FREM3: variants seen among roughly 807,000 people sequenced by gnomAD.
FREM3 encodes FRAS1 related extracellular matrix 3.
In FREM3, 105 loss-of-function variants were observed where a neutral mutation model predicts 129.1. That is an observed-to-expected ratio of 0.81 (90% CI 0.69 to 0.96). The LOEUF is 0.96. Ranked by LOEUF, FREM3 falls within the 40% of genes least tolerant of loss-of-function variation. FREM3 has a pLI of 0.00. For missense variants in FREM3, 2,593 were observed against 2,666.3 expected (o/e 0.97, Z 0.61); for synonymous variants, 1,014 against 1,044.9 (o/e 0.97, Z 0.57).
intron 2 of FREM3, among the ~76,000 whole-genome samples, chr4:143,669,760 T>C (rs569578151): frequency 6.6e-6 from 1 of 152,208 alleles, no homozygotes; most frequent in African/African-American, 2.4e-5. Flanking sequence ...TGCTTTAAAT[T>C]AAATGTCTTT....
At chr4:143,651,654 A>G (rs1319803810) in intron 2 of FREM3, among the ~76,000 whole-genome samples, 1 of 152,190 alleles carries the variant, frequency 6.6e-6, no homozygotes, top group Non-Finnish European at 1.5e-5. Context: ...TCTTTTATTA[A>G]TGAGTTAATG....
At chr4:143,660,509 G>T (rs1210981967) in intron 2 of FREM3, among the ~76,000 whole-genome samples, 1 of 152,200 alleles carries the variant, frequency 6.6e-6, no homozygotes, top group East Asian at 1.9e-4. Context: ...GTTTGAAGTC[G>T]AGTAGCGTGA....
chr4:143,696,279 C>T lies in FREM3; in HGVS notation c.4397G>A (p.Arg1466Gln), dbSNP rs1011774692. The T allele has an allele frequency of 1.6e-5, 24 of 1,537,454 alleles. No homozygotes were observed. The highest frequency in any genetic ancestry group is 4.1e-5 in the African/African-American group (3 of 73,000). Residue 1466 changes from arginine to glutamine, a missense_variant, in exon 1 of 8, where the codon CGG becomes CAG. Arg to Gln is a conservative substitution (Grantham distance 43, BLOSUM62 1). Coordinates refer to ENST00000329798, the MANE Select transcript of FREM3 (RefSeq NM_001168235.2). ...SSDEHHFSIT[R>Q]APSLGHLESS... ...TTCTAAGTGACCCAGGCTTGGAGCCCGTGTAATGCTAAAGTGATGTTCATC... is the reference window on the plus strand; with the variant it reads ...TTCTAAGTGACCCAGGCTTGGAGCCTGTGTAATGCTAAAGTGATGTTCATC...
intron 5 of FREM3, among the ~76,000 whole-genome samples, chr4:143,614,641 A>C (rs1172718493): frequency 6.6e-6 from 1 of 152,190 alleles, no homozygotes; most frequent in Non-Finnish European, 1.5e-5. Flanking sequence ...TGACAGTTTT[A>C]ATGGGTATGG....
intron 6 of FREM3, among the ~76,000 whole-genome samples, chr4:143,587,640 G>A (rs944549110): frequency 1.3e-5 from 2 of 152,200 alleles, no homozygotes; most frequent in Non-Finnish European, 2.9e-5. Flanking sequence ...AAAGAAGGAG[G>A]ATAGGCAGGA....
intron 2 of FREM3, among the ~76,000 whole-genome samples, chr4:143,628,114 C>T (rs1161256652): frequency 6.6e-6 from 1 of 152,156 alleles, no homozygotes; most frequent in African/African-American, 2.4e-5. Context: ...TTCACTCCCT[C>T]TGCCTCCTCC....
At chr4:143,651,115 A>G (rs956437251) in intron 2 of FREM3, among the ~76,000 whole-genome samples, 1 of 152,238 alleles carries the variant, frequency 6.6e-6, no homozygotes. Context: ...GACAAGTAAT[A>G]TATTTCCAGA....
chr4:143,696,747 G>T lies in FREM3; in HGVS notation c.3929C>A (p.Thr1310Asn). The stretch of plus-strand genomic sequence containing the variant: ...CTCTACCTTCAGCCCATTGTTGACA[G>T]TCAGGTGAGGAGTTTCATCATCCAC... ...TLVDDETPHL[T>N]VNNGLKVEKG... The change falls in exon 1 of 8, where the codon ACT becomes AAT. Residue 1310 changes from threonine to asparagine, a missense_variant. Thr to Asn is a moderately conservative substitution (Grantham distance 65). Coordinates refer to ENST00000329798, the MANE Select transcript of FREM3 (RefSeq NM_001168235.2). The T allele has an allele frequency of 2.0e-6, 3 of 1,537,904 alleles. No individual in the cohort carries two copies. The highest frequency in any genetic ancestry group is 2.6e-6 in the Non-Finnish European group (3 of 1,147,060).
chr4:143,633,468 T>C lies in FREM3; in HGVS notation c.5276-5708A>G, dbSNP rs147390340. On this transcript the variant is annotated intron_variant, in intron 2 of 7. Transcript: ENST00000329798. Reference sequence around the variant, plus strand: ...TATTTATTGATCACCTGGTATATGCTGTTCCCTCTTCTAAGTGTTGAGGAT... The same window carrying C: ...TATTTATTGATCACCTGGTATATGCCGTTCCCTCTTCTAAGTGTTGAGGAT... Among the ~76,000 whole-genome samples the C allele has an allele frequency of 2.0e-3, 307 of 152,300 alleles. 3 individuals carry two copies. Among genetic ancestry groups the C allele is most frequent in the African/African-American group, 7.2e-3 (300 of 41,572 alleles).
intron 2 of FREM3, among the ~76,000 whole-genome samples, chr4:143,656,996 T>C (rs1443873562): frequency 1.3e-5 from 2 of 152,150 alleles, no homozygotes; most frequent in Non-Finnish European, 2.9e-5. Flanking sequence ...GTTTAGGGTT[T>C]TATATACTTT....
intron 3 of FREM3, 148 bp from the exon 4 acceptor site, chr4:143,624,486 C>T: frequency 1.6e-6 from 1 of 610,750 alleles, no homozygotes; most frequent in South Asian, 2.1e-5. Context: ...AATGATCTTT[C>T]TTGGCTAAGA....
At chr4:143,668,518 C>T (rs966327245) in intron 2 of FREM3, among the ~76,000 whole-genome samples, 8 of 152,202 alleles carry the variant, frequency 5.3e-5, no homozygotes, top group East Asian at 3.8e-4. Context: ...ACTTGATTAG[C>T]GCATCCCTCA....
chr4:143,695,914 T>G lies in FREM3; in HGVS notation c.4762A>C (p.Asn1588His), dbSNP rs1001121635. The stretch of plus-strand genomic sequence containing the variant: ...AAAGTGGTCACGGGACGGCTACCAT[T>G]GTACAAAATCTTGCCATGCATGGGG... ...QVPMHGKILYNGSRPVTTFTK... is the reference protein window; with the variant it reads ...QVPMHGKILYHGSRPVTTFTK... Residue 1588 changes from asparagine (N) to histidine (H), a missense_variant, in exon 1 of 8, where the codon AAT becomes CAT. Physicochemically the swap from Asn to His is moderately conservative, Grantham distance 68. Transcript: ENST00000329798. 1 of 1,537,768 alleles carries G rather than the reference T, an allele frequency of 6.5e-7. No individual in the cohort carries two copies. The highest frequency in any genetic ancestry group is 8.7e-7 in the Non-Finnish European group (1 of 1,147,046).
At chr4:143,614,744 A>G (rs1738815731) in intron 5 of FREM3, among the ~76,000 whole-genome samples, 1 of 152,252 alleles carries the variant, frequency 6.6e-6, no homozygotes, top group Admixed American at 6.5e-5. Flanking sequence ...TGCTCTCCAA[A>G]CAAGGCACGC....
At chr4:143,627,257 A>G (rs1199374765) in intron 3 of FREM3, among the ~76,000 whole-genome samples, 1 of 152,212 alleles carries the variant, frequency 6.6e-6, no homozygotes, top group East Asian at 1.9e-4. Context: ...AATTTTTCAA[A>G]AGAAATAGCT....
At chr4:143,662,690 G>T (rs889042053) in intron 2 of FREM3, among the ~76,000 whole-genome samples, 5 of 152,024 alleles carry the variant, frequency 3.3e-5, no homozygotes, top group Admixed American at 1.3e-4. Context: ...GGGTGTTAAA[G>T]TCTCCCATTA....
At chr4:143,663,707 C>G (rs532796644) in intron 2 of FREM3, among the ~76,000 whole-genome samples, 1 of 152,166 alleles carries the variant, frequency 6.6e-6, no homozygotes, top group Non-Finnish European at 1.5e-5. Flanking sequence ...TTCTACCCAT[C>G]ACTTTCAGGT....
At chr4:143,671,512 G>A (rs142379538) in intron 2 of FREM3, among the ~76,000 whole-genome samples, 133 of 152,204 alleles carry the variant, frequency 8.7e-4, no homozygotes, top group Non-Finnish European at 3.7e-4. Flanking sequence ...TTATATAAAA[G>A]CAATTTTTTT....
chr4:143,606,371 C>CTT lies in FREM3; in HGVS notation c.6028+4906_6028+4907dup, dbSNP rs34964024. ...ATTACTATATTATGGAATATAGTAACTTTTTTTTTTTTTGCAAACACTTGA... is the reference window on the plus strand; with the variant it reads ...ATTACTATATTATGGAATATAGTAACTTTTTTTTTTTTTTTGCAAACACTTGA... On this transcript the variant is annotated intron_variant, in intron 6 of 7. Transcript: ENST00000329798. Among the ~76,000 whole-genome samples, 315 of 147,282 alleles carry CTT rather than the reference C, an allele frequency of 2.1e-3. 1 individual carries two copies. The highest frequency in any genetic ancestry group is 6.1e-3 in the African/African-American group (244 of 40,294).
Sources: allele counts gnomAD v4.1 joint callset (sites outside exome capture counted in the v4.1 genomes callset), GRCh38; gene constraint gnomAD v4.1.1; transcripts MANE v1.5; gene names NCBI Gene and HGNC (gene_info 2026-07-23, HGNC 2026-07-21).